Variants in ZNF250 observed in about 807,000 individuals in gnomAD.
ZNF250 encodes zinc finger protein 250, also known as zinc finger protein (clone 647).
A neutral mutation model predicts 37.1 loss-of-function variants in ZNF250; 13 were observed. The observed-to-expected ratio is 0.35, with a 90% CI of 0.23 to 0.56. The LOEUF (loss-of-function observed/expected upper bound fraction) is 0.56, where lower values mean the gene tolerates loss of function less well. ZNF250 is among the 20% of genes least tolerant of loss of function. The pLI, the probability that ZNF250 is intolerant of heterozygous loss-of-function variation, is 0.87. For synonymous variants in ZNF250, 251 were observed against 265.6 expected (o/e 0.94, Z 0.54); for missense variants, 474 against 697.9 (o/e 0.68, Z 3.61).
Position 144,890,986 on chromosome 8 carries a change from A to C in ZNF250, c.-54-583T>G, listed in dbSNP as rs1298763630. On this transcript the variant is annotated intron_variant, in intron 1 of 5. Coordinates refer to ENST00000417550, the MANE Select transcript of ZNF250 (RefSeq NM_001109689.4). This position sits in a 1 kb window ranked among gnomAD's most constrained non-coding sequence, Gnocchi z 5.1. ...GGTCAGTTCTGGACAAACTGAGTCA[A>C]CAGTGGCCTAGGGATCTGGTCTGAG... 2.0e-5 allele frequency among the ~76,000 whole-genome samples: 3 copies of C among 152,194 alleles called. No homozygotes were observed. Among genetic ancestry groups the C allele is most frequent in the Non-Finnish European group, 4.4e-5 (3 of 68,044 alleles).
chr8:144,894,610 A>C (rs1267881123), intron 1 of ZNF250, among the ~76,000 whole-genome samples: 1 of 145,464 alleles, frequency 6.9e-6, no homozygotes, highest in African/African-American at 2.6e-5. Flanking sequence ...TTTTTTAATT[A>C]CTTCTAGGCT....
chr8:144,882,258 G>A lies in ZNF250; in HGVS notation c.925C>T (p.Pro309Ser), dbSNP rs2129684404. ...IHTGERPYVC[P>S]LCGKAFNHST... ...TGGTTGAAGGCTTTCCCACACAACGGACACACATATGGCCTTTCTCCCGTG... is the reference window on the plus strand; with the variant it reads ...TGGTTGAAGGCTTTCCCACACAACGAACACACATATGGCCTTTCTCCCGTG... Residue 309 changes from proline to serine, a missense_variant, in exon 6 of 6, where the codon CCG becomes TCG. Pro to Ser is a moderately conservative substitution (Grantham distance 74, BLOSUM62 -1). Transcript: ENST00000417550. This position sits in a 1 kb window ranked among gnomAD's most constrained non-coding sequence, Gnocchi z 5.5. The A allele has an allele frequency of 6.2e-7, 1 of 1,613,708 alleles. No individual in the cohort carries two copies. The highest frequency in any genetic ancestry group is 1.1e-5 in the South Asian group (1 of 91,028).
intron 1 of ZNF250, among the ~76,000 whole-genome samples, chr8:144,900,076 T>C (rs142698792): frequency 6.6e-6 from 1 of 152,128 alleles, no homozygotes; most frequent in Non-Finnish European, 1.5e-5. Context: ...GAAAAAAATA[T>C]GAGCTGGCAA....
At chr8:144,884,581 C>A (rs1288761327) in intron 5 of ZNF250, among the ~76,000 whole-genome samples, 14 of 152,166 alleles carry the variant, frequency 9.2e-5, no homozygotes, top group Admixed American at 9.2e-4. Flanking sequence ...TTTTTTAAAT[C>A]ATGAAGCATG....
chr8:144,891,164 C>T lies in ZNF250; in HGVS notation c.-54-761G>A, dbSNP rs979290369. The stretch of plus-strand genomic sequence containing the variant: ...GAGCGGGGCAAGAGCTTTCCTGACA[C>T]ATTTGGTCCTGTACAGGATAGGGTT... On this transcript the variant is annotated intron_variant, in intron 1 of 5. Coordinates refer to ENST00000417550, the MANE Select transcript of ZNF250 (RefSeq NM_001109689.4). This position sits in a 1 kb window ranked among gnomAD's most constrained non-coding sequence, Gnocchi z 4.0. 6.6e-6 allele frequency among the ~76,000 whole-genome samples: 1 copy of T among 152,176 alleles called. No individual in the cohort carries two copies. Among genetic ancestry groups the T allele is most frequent in the African/African-American group, 2.4e-5 (1 of 41,414 alleles).
chr8:144,880,534 C>A lies in ZNF250; in HGVS notation c.*981G>T, dbSNP rs1402666788. On this transcript the variant is annotated 3_prime_UTR_variant, in exon 6 of 6. Transcript: ENST00000417550. ...ATTTTTACTAAAAAGTTAGCATAAC[C>A]TTTCTGATCTTGAATAAAGTTAAAA... 4.4e-6 allele frequency: 2 copies of A among 455,478 alleles called. No individual in the cohort carries two copies. Among genetic ancestry groups the A allele is most frequent in the Non-Finnish European group, 8.8e-6 (2 of 226,180 alleles). 28.2% of individuals were successfully genotyped at this position (455,478 alleles called of 1,614,324 possible).
At chr8:144,899,314 TTTGATACC>T (rs1415373843) in intron 1 of ZNF250, among the ~76,000 whole-genome samples, 1 of 152,174 alleles carries the variant, frequency 6.6e-6, no homozygotes, top group Non-Finnish European at 1.5e-5. Flanking sequence ...AGTTCCAGTG[TTTGATACC>T]ACGGTAAGAT....
In ZNF250 at chr8:144,891,210, A is replaced by G. The variant is rs1347536415; in HGVS notation, c.-54-807T>C. On this transcript the variant is annotated intron_variant, in intron 1 of 5. Coordinates refer to ENST00000417550, the MANE Select transcript of ZNF250 (RefSeq NM_001109689.4). This position sits in a 1 kb window ranked among gnomAD's most constrained non-coding sequence, Gnocchi z 4.0. ...GGGTTCGCAGTCTTCTGGAGCATCAAAAAGAAGATACTGTGACAGGGATAC... is the reference window on the plus strand; with the variant it reads ...GGGTTCGCAGTCTTCTGGAGCATCAGAAAGAAGATACTGTGACAGGGATAC... 1.3e-5 allele frequency among the ~76,000 whole-genome samples: 2 copies of G among 152,324 alleles called. No homozygotes were observed. The highest frequency in any genetic ancestry group is 2.4e-5 in the African/African-American group (1 of 41,576).
intron 1 of ZNF250, among the ~76,000 whole-genome samples, chr8:144,894,285 C>G (rs900587347): frequency 6.6e-6 from 1 of 152,082 alleles, no homozygotes; most frequent in South Asian, 2.1e-4. Context: ...TCTGGGCAGA[C>G]AGACTCCCAG....
intron 5 of ZNF250, among the ~76,000 whole-genome samples, chr8:144,883,342 C>CT (rs538221806): frequency 0.018 from 2,587 of 140,798 alleles, 74 homozygotes; most frequent in African/African-American, 0.058. Context: ...AAAATAATTT[C>CT]TTTTTTTTTT....
intron 5 of ZNF250, among the ~76,000 whole-genome samples, chr8:144,884,609 CTA>C (rs960788313): frequency 3.9e-5 from 6 of 152,104 alleles, no homozygotes; most frequent in African/African-American, 1.2e-4. Flanking sequence ...GAAGATTCTC[CTA>C]TGTTTCCTGG....
At chr8:144,888,267 A>G (rs1586903785) in intron 4 of ZNF250, among the ~76,000 whole-genome samples, 1 of 152,308 alleles carries the variant, frequency 6.6e-6, no homozygotes, top group South Asian at 2.1e-4. Context: ...TATCTTTTAA[A>G]ATATTACACC....
At chr8:144,888,599 A>C (rs1366338303) in intron 4 of ZNF250, among the ~76,000 whole-genome samples, 3 of 147,716 alleles carry the variant, frequency 2.0e-5, no homozygotes, top group Non-Finnish European at 1.5e-5. Context: ...CTGTCTCAAA[A>C]AAAAAAAAAA....
In ZNF250 at chr8:144,889,621, C is replaced by A; in HGVS notation, c.243G>T (p.Lys81Asn). 1.2e-6 allele frequency: 2 copies of A among 1,614,012 alleles called. No homozygotes were observed. Among genetic ancestry groups the A allele is most frequent in the South Asian group, 1.1e-5 (1 of 91,082 alleles). The part of the protein sequence containing the change: ...RGEDPWVLDR[K>N]GAKKSQGLWS... ...ACAGGCCCTGGCTCTTCTTAGCCCCCTTCCTGTCCAGGACCCAGGGATCTT... is the reference window on the plus strand; with the variant it reads ...ACAGGCCCTGGCTCTTCTTAGCCCCATTCCTGTCCAGGACCCAGGGATCTT... Residue 81 changes from lysine (K) to asparagine (N), a missense_variant, in exon 4 of 6, where the codon AAG becomes AAT. Around this residue, in one of 2 missense-constraint regions of ZNF250, gnomAD observed 192 missense variants for 227.5 expected, o/e 0.84. Transcript: ENST00000417550.
At chr8:144,888,022 C>A (rs185383387) in intron 4 of ZNF250, among the ~76,000 whole-genome samples, 1 of 152,214 alleles carries the variant, frequency 6.6e-6, no homozygotes, top group Non-Finnish European at 1.5e-5. Context: ...ACTGTCCCTA[C>A]TCTCCCCAAG....
intron 1 of ZNF250, among the ~76,000 whole-genome samples, chr8:144,900,863 T>C (rs562009530): frequency 6.6e-6 from 1 of 152,286 alleles, no homozygotes; most frequent in East Asian, 1.9e-4. Flanking sequence ...AAAACCTCCA[T>C]TTTTATATTT....
rs997022278 is a variant in ZNF250 at position 144,880,329 on chromosome 8, TG to T, written c.*1185del. ...AAGAACAGTATTTTCAGCATTGTTT[TG>T]GGGGAAATACCATAAGATGTAAAGA... On this transcript the variant is annotated 3_prime_UTR_variant, in exon 6 of 6. Transcript: ENST00000417550. 6 of 417,010 alleles carry T rather than the reference TG, an allele frequency of 1.4e-5. No homozygotes were observed. Among genetic ancestry groups the T allele is most frequent in the African/African-American group, 1.0e-4 (5 of 49,194 alleles). The allele number at this position is 417,010 out of a possible 1,614,324, so 25.8% of individuals were successfully genotyped here.
At chr8:144,899,713 T>C (rs1373621540) in intron 1 of ZNF250, among the ~76,000 whole-genome samples, 1 of 152,140 alleles carries the variant, frequency 6.6e-6, no homozygotes, top group East Asian at 1.9e-4. Flanking sequence ...ATTTAGTATA[T>C]GACAAAAGCG....
chr8:144,883,133 G>A (rs1326461060), intron 5 of ZNF250, among the ~76,000 whole-genome samples: 2 of 152,234 alleles, frequency 1.3e-5, no homozygotes, highest in Admixed American at 1.3e-4. Flanking sequence ...TGGTGCCTGA[G>A]TCCTGCCCTC....
Sources: allele counts gnomAD v4.1 joint callset (sites outside exome capture counted in the v4.1 genomes callset), GRCh38; gene constraint gnomAD v4.1.1; regional missense constraint gnomAD v4.1.1; non-coding constraint Gnocchi (gnomAD v3.1); transcripts MANE v1.5; gene names NCBI Gene and HGNC (gene_info 2026-07-23, HGNC 2026-07-21).